PGM2L1: variants seen among roughly 807,000 people sequenced by gnomAD.
PGM2L1 encodes phosphoglucomutase 2 like 1.
PGM2L1 carries 35 observed loss-of-function variants against 73.4 expected under a neutral mutation model. That is an observed-to-expected ratio of 0.48 (90% confidence interval 0.36 to 0.63). The LOEUF (loss-of-function observed/expected upper bound fraction) is 0.63, where lower values mean the gene tolerates loss of function less well. Ranked by LOEUF, PGM2L1 falls within the 30% of genes least tolerant of loss-of-function variation. The pLI is 0.00. For synonymous variants in PGM2L1, 225 were observed against 253.8 expected, an observed-to-expected ratio of 0.89 and a Z score of 1.08; for missense variants, 570 against 742.0, an observed-to-expected ratio of 0.77 and a Z score of 2.69.
chr11:74,340,477 T>C (rs958267730), intron 12 of PGM2L1, among the ~76,000 whole-genome samples: 1 of 152,140 alleles, frequency 6.6e-6, no homozygotes, highest in African/African-American at 2.4e-5. Flanking sequence ...TGGATAAATA[T>C]GCAAAAATGG....
chr11:74,384,150 T>G (rs1862988798), intron 1 of PGM2L1, among the ~76,000 whole-genome samples: 1 of 152,076 alleles, frequency 6.6e-6, no homozygotes, highest in South Asian at 2.1e-4. Flanking sequence ...CATCCTTTTG[T>G]CATTCCATGC....
At chr11:74,376,330 C>T (rs1361855314) in intron 1 of PGM2L1, among the ~76,000 whole-genome samples, 1 of 152,024 alleles carries the variant, frequency 6.6e-6, no homozygotes, top group Admixed American at 6.6e-5. Flanking sequence ...GCTCTAAAGC[C>T]TACACCATCT....
At chr11:74,346,310 A>AAC (rs1862266048) in intron 8 of PGM2L1, among the ~76,000 whole-genome samples, 1 of 142,888 alleles carries the variant, frequency 7.0e-6, no homozygotes, top group Admixed American at 7.5e-5. Context: ...AACAAACAAA[A>AAC]AAAAAGGTTA....
intron 4 of PGM2L1, 26 bp downstream of exon 4, chr11:74,370,876 T>C: frequency 1.3e-6 from 2 of 1,551,502 alleles, no homozygotes; most frequent in Non-Finnish European, 1.8e-6. Context: ...CAGCAAGCTA[T>C]ATGATCACCA....
chr11:74,350,898 AG>A, intron 6 of PGM2L1, among the ~76,000 whole-genome samples: 1 of 29,190 alleles, frequency 3.4e-5, no homozygotes, highest in Non-Finnish European at 1.5e-4. Context: ...AAAGAAAGAA[AG>A]AGAGAGAGAG....
At chr11:74,360,200 A>G (rs1372760592) in intron 5 of PGM2L1, among the ~76,000 whole-genome samples, 1 of 151,742 alleles carries the variant, frequency 6.6e-6, no homozygotes, top group African/African-American at 2.4e-5. Flanking sequence ...ACTGCACTCC[A>G]GCCTTGGTGA....
At chr11:74,364,183 C>G (rs897217223) in intron 5 of PGM2L1, among the ~76,000 whole-genome samples, 10 of 152,164 alleles carry the variant, frequency 6.6e-5, no homozygotes, top group African/African-American at 2.2e-4. Flanking sequence ...GCTAAAAACT[C>G]TCAATAAATT....
chr11:74,395,593 G>T (rs1381004650), intron 1 of PGM2L1, among the ~76,000 whole-genome samples: 2 of 125,840 alleles, frequency 1.6e-5, no homozygotes, highest in African/African-American at 6.2e-5. Context: ...TTTTAGTAGG[G>T]ACGGGGTTTC....
intron 2 of PGM2L1, among the ~76,000 whole-genome samples, chr11:74,373,852 A>G (rs1032943359): frequency 6.6e-6 from 1 of 152,184 alleles, no homozygotes; most frequent in Non-Finnish European, 1.5e-5. Flanking sequence ...ATTGTTAAGA[A>G]GTTGACAATG....
intron 1 of PGM2L1, among the ~76,000 whole-genome samples, chr11:74,395,549 C>CCTTTTT (rs1218218679): frequency 4.6e-5 from 3 of 64,918 alleles, no homozygotes; most frequent in African/African-American, 7.1e-5. Context: ...CCTCGCCTGG[C>CCTTTTT]TTTTTTTTTT....
chr11:74,342,467 C>T lies in PGM2L1; in HGVS notation c.1626G>A (p.Lys542=). 2 of 1,456,286 alleles carry T rather than the reference C, an allele frequency of 1.4e-6. No homozygotes were observed. The highest frequency in any genetic ancestry group is 1.8e-6 in the Non-Finnish European group (2 of 1,099,318). 90.2% of individuals were successfully genotyped at this position (1,456,286 alleles called of 1,614,324 possible). ...AAAAAAAAAAGGTACTTACTGATTTCTTATTAGGCTGGCTACTGTCATATC... is the reference window on the plus strand; with the variant it reads ...AAAAAAAAAAGGTACTTACTGATTTTTTATTAGGCTGGCTACTGTCATATC... ...TTGYDSSQPN[K]KSVLPVSKNS... Residue 542 remains lysine (K), a synonymous_variant, in exon 12 of 14, where the codon AAG becomes AAA. Coordinates refer to ENST00000298198, the MANE Select transcript of PGM2L1 (RefSeq NM_173582.6).
intron 12 of PGM2L1, among the ~76,000 whole-genome samples, chr11:74,341,908 C>T (rs944639661): frequency 6.6e-6 from 1 of 152,078 alleles, no homozygotes; most frequent in Non-Finnish European, 1.5e-5. Context: ...CACGTTTAAA[C>T]CACATAAGGT....
intron 5 of PGM2L1, 44 bp from the exon 6 acceptor site, chr11:74,351,620 C>G (rs1182075905): frequency 6.7e-7 from 1 of 1,486,050 alleles, no homozygotes; most frequent in African/African-American, 1.4e-5. Context: ...AAAATGCTTG[C>G]CAGATCTTTT....
At position 74,398,368 on chromosome 11, in the gene PGM2L1, C is replaced by A. The variant is rs1197248698; in HGVS notation, c.-207G>T. On this transcript the variant is annotated 5_prime_UTR_variant, in exon 1 of 14. Coordinates refer to ENST00000298198, the MANE Select transcript of PGM2L1 (RefSeq NM_173582.6). Reference sequence around the variant, plus strand: ...TTATGGCCGCCTGCTCCCCAGCGGACCAGGTCCGGGTCTCTGGGCGAAGTG... The same window carrying A: ...TTATGGCCGCCTGCTCCCCAGCGGAACAGGTCCGGGTCTCTGGGCGAAGTG... 3 of 714,554 alleles carry A rather than the reference C, an allele frequency of 4.2e-6. No individual in the cohort carries two copies. Among genetic ancestry groups the A allele is most frequent in the Non-Finnish European group, 6.1e-6 (3 of 488,444 alleles). 44.3% of individuals were successfully genotyped at this position (714,554 alleles called of 1,614,324 possible).
At chr11:74,365,396 A>G (rs1862638769) in intron 5 of PGM2L1, among the ~76,000 whole-genome samples, 1 of 151,436 alleles carries the variant, frequency 6.6e-6, no homozygotes, top group Admixed American at 6.6e-5. Flanking sequence ...GCTTCTGCAC[A>G]GCAAAATAAA....
intron 5 of PGM2L1, among the ~76,000 whole-genome samples, chr11:74,364,927 G>A (rs757205838): frequency 0.043 from 6,566 of 152,028 alleles, 190 homozygotes; most frequent in Non-Finnish European, 0.068. Context: ...AGCCAAAAGA[G>A]CAAAGCTGGA....
Position 74,333,471 on chromosome 11 carries a change from A to G in PGM2L1, c.*3181T>C, listed in dbSNP as rs1862044051. ...CCTTGAACTTTTTCTCAGAAGTCTT[A>G]TTTTCTAATCTACATTTTCTTCCTT... On this transcript the variant is annotated 3_prime_UTR_variant, in exon 14 of 14. Coordinates refer to ENST00000298198, the MANE Select transcript of PGM2L1 (RefSeq NM_173582.6). 6.6e-6 allele frequency: 1 copy of G among 152,126 alleles called. No homozygotes were observed. Among genetic ancestry groups the G allele is most frequent in the Non-Finnish European group, 1.5e-5 (1 of 68,012 alleles). The allele number at this position is 152,126 out of a possible 1,614,324, so 9.4% of individuals were successfully genotyped here. A position where few individuals can be genotyped will look rare whatever the true frequency, so the allele number is the denominator to read the frequency against.
At chr11:74,397,861 T>A (rs1448840085) in intron 1 of PGM2L1, 190 bp downstream of exon 1, 2 of 990,442 alleles carry the variant, frequency 2.0e-6, no homozygotes, top group Admixed American at 3.5e-5. Flanking sequence ...GATGCAGATG[T>A]TGCCGCCCGG....
At chr11:74,347,362 T>A in intron 6 of PGM2L1, 25 bp from the exon 7 acceptor site, 1 of 1,525,638 alleles carries the variant, frequency 6.6e-7, no homozygotes, top group Non-Finnish European at 8.9e-7. Flanking sequence ...CAACATAAGA[T>A]CATGATTACA....
Sources: gnomAD v4.1 joint callset for allele counts (sites outside exome capture counted in the v4.1 genomes callset) on GRCh38, gnomAD v4.1.1 for gene constraint, MANE v1.5 for transcripts, NCBI Gene and HGNC (gene_info 2026-07-23, HGNC 2026-07-21) for gene names.